TAX1BP1: variants seen among roughly 807,000 people sequenced by gnomAD.
TAX1BP1 encodes the protein Tax1 binding protein 1, also known as tax1-binding protein 1.
A neutral mutation model predicts 97.7 loss-of-function variants in TAX1BP1; 62 were observed. The observed-to-expected ratio is 0.63, with a 90% CI of 0.52 to 0.78. The LOEUF (loss-of-function observed/expected upper bound fraction) is 0.78. Among genes scored for constraint, TAX1BP1 ranks in the 30% least tolerant of loss-of-function variants. The pLI, the probability that TAX1BP1 is intolerant of heterozygous loss-of-function variation, is 0.00. For missense variants in TAX1BP1, 867 were observed against 916.1 expected (o/e 0.95, Z 0.69); for synonymous variants, 340 against 304.2 (o/e 1.12, Z -1.23).
rs1790072518 is a variant in TAX1BP1 at position 27,800,047 on chromosome 7, A to G, written c.1721A>G (p.Glu574Gly). 1 of 1,600,414 alleles carries G rather than the reference A, an allele frequency of 6.2e-7. No individual in the cohort carries two copies. Among genetic ancestry groups the G allele is most frequent in the Non-Finnish European group, 8.5e-7 (1 of 1,173,662 alleles). The change falls in exon 13 of 17, where the codon GAA becomes GGA. Residue 574 changes from glutamate to glycine, a missense_variant. Glu to Gly is a moderately conservative substitution (Grantham distance 98, BLOSUM62 -2). Coordinates refer to ENST00000396319, the MANE Select transcript of TAX1BP1 (RefSeq NM_006024.7). ...LKWKEQVKIA[E>G]NVKLELAEVQ... is the part of the protein sequence containing the mutation. ...TGGAAAGAACAAGTGAAAATTGCTG[A>G]AAATGTAAAACTTGAACTAGCTGAA...
chr7:27,803,744 G>A (rs1219015705), intron 13 of TAX1BP1, among the ~76,000 whole-genome samples: 1 of 152,158 alleles, frequency 6.6e-6, no homozygotes, highest in Non-Finnish European at 1.5e-5. Context: ...TTTTATTGAC[G>A]CTTGATCCTT....
At chr7:27,745,892 A>G (rs1476084254) in intron 1 of TAX1BP1, among the ~76,000 whole-genome samples, 2 of 152,004 alleles carry the variant, frequency 1.3e-5, no homozygotes, top group African/African-American at 2.4e-5. Context: ...TATTAACTCT[A>G]TAGTGTATAC....
intron 13 of TAX1BP1, among the ~76,000 whole-genome samples, 190 bp downstream of exon 13, chr7:27,800,280 A>G (rs1583390423): frequency 6.6e-6 from 1 of 152,206 alleles, no homozygotes; most frequent in East Asian, 1.9e-4. Flanking sequence ...AATGGATACC[A>G]TTTGCATTGC....
chr7:27,745,293 A>G (rs1381280436), intron 1 of TAX1BP1, among the ~76,000 whole-genome samples: 1 of 152,184 alleles, frequency 6.6e-6, no homozygotes, highest in Non-Finnish European at 1.5e-5. Flanking sequence ...GACTTTGCAT[A>G]TTATTTCTCC....
In TAX1BP1 at chr7:27,816,514, A is replaced by G. The variant is rs1790775604; in HGVS notation, c.1930A>G (p.Thr644Ala). ...TGGTAATCCTTATGCATCTCAGGAA[A>G]CAAGAGGTTATTACAGTATTTTTGG... ...QYGNPYASQE[T>A]RDGADGAFYP... Residue 644 changes from threonine (T) to alanine (A), a missense_variant, in exon 14 of 17, where the codon ACA becomes GCA. Physicochemically the swap from Thr to Ala is moderately conservative, Grantham distance 58. Transcript: ENST00000396319. 1 of 1,532,320 alleles carries G rather than the reference A, an allele frequency of 6.5e-7. No homozygotes were observed. Among genetic ancestry groups the G allele is most frequent in the Non-Finnish European group, 8.7e-7 (1 of 1,152,264 alleles). The allele number at this position is 1,532,320 out of a possible 1,614,324, so 94.9% of individuals were successfully genotyped here.
chr7:27,780,194 T>G (rs1417725064), intron 5 of TAX1BP1, among the ~76,000 whole-genome samples: 2 of 152,186 alleles, frequency 1.3e-5, no homozygotes, highest in Non-Finnish European at 2.9e-5. Flanking sequence ...TCTTATAACT[T>G]AATCTATTTA....
At position 27,798,396 on chromosome 7, in the gene TAX1BP1, G is replaced by A. The variant is rs76886921; in HGVS notation, c.1639-1569G>A. ...AAGAAATTACCTCCTGGGTGCAGTG[G>A]CTCATGTCTGTAATCCCAGCACTTT... On this transcript the variant is annotated intron_variant, in intron 12 of 16. Transcript: ENST00000396319. Among the ~76,000 whole-genome samples the A allele has an allele frequency of 1.6e-3, 238 of 152,138 alleles. 2 individuals carry two copies. Among genetic ancestry groups the A allele is most frequent in the Non-Finnish European group, 2.5e-3 (171 of 67,972 alleles).
At chr7:27,785,592 G>A (rs879809911) in intron 7 of TAX1BP1, 103 bp downstream of exon 7, 36 of 932,970 alleles carry the variant, frequency 3.9e-5, no homozygotes, top group Non-Finnish European at 5.5e-5. Context: ...TAGCTGAGTG[G>A]TTCTGGCTCT....
chr7:27,820,511 C>A (rs756469684), intron 15 of TAX1BP1, among the ~76,000 whole-genome samples: 1 of 152,056 alleles, frequency 6.6e-6, no homozygotes. Flanking sequence ...TATTATCTTA[C>A]GTTTTAAATT....
At chr7:27,742,633 A>G (rs536090121) in intron 1 of TAX1BP1, among the ~76,000 whole-genome samples, 126 of 152,240 alleles carry the variant, frequency 8.3e-4, no homozygotes, top group Admixed American at 1.6e-3. Flanking sequence ...ATACCCGGCA[A>G]ATTTTTGTAT....
chr7:27,764,469 C>T (rs1158835788), intron 3 of TAX1BP1, among the ~76,000 whole-genome samples: 1 of 152,148 alleles, frequency 6.6e-6, no homozygotes, highest in Non-Finnish European at 1.5e-5. Flanking sequence ...TTTCTCAGTA[C>T]ATTTTATCAG....
In TAX1BP1 at chr7:27,796,931, T is replaced by C. The variant is rs188639858; in HGVS notation, c.1638+712T>C. Among the ~76,000 whole-genome samples, 175 of 152,108 alleles carry C rather than the reference T, an allele frequency of 1.2e-3. No individual in the cohort carries two copies. The South Asian group carries it at 0.017, about 14-fold the overall frequency. On this transcript the variant is annotated intron_variant, in intron 12 of 16. Coordinates refer to ENST00000396319, the MANE Select transcript of TAX1BP1 (RefSeq NM_006024.7). ...ACATCTTAAAGTGACTAGACTTGCA[T>C]AGTGGAAAAGGGAATGTTAACCAAA...
At chr7:27,785,082 T>G in intron 5 of TAX1BP1, 81 bp from the exon 6 acceptor site, 1 of 1,366,048 alleles carries the variant, frequency 7.3e-7, no homozygotes, top group South Asian at 1.6e-5. Context: ...TAAGAATACA[T>G]AGTTTTCTTA....
chr7:27,758,009 CT>C, intron 2 of TAX1BP1, 21 bp from the exon 3 acceptor site: 4 of 1,562,036 alleles, frequency 2.6e-6, no homozygotes, highest in Middle Eastern at 1.7e-4. Flanking sequence ...ATAAATCCGC[CT>C]TTTTTGTTAT....
chr7:27,746,346 TTTG>T (rs1374052518), intron 1 of TAX1BP1, among the ~76,000 whole-genome samples: 3 of 151,850 alleles, frequency 2.0e-5, no homozygotes, highest in Admixed American at 6.6e-5. Context: ...TATAGTTTCT[TTTG>T]TTGGTGTCTT....
rs531772218 is a variant in TAX1BP1 at position 27,761,094 on chromosome 7, A to G, written c.265+2961A>G. On this transcript the variant is annotated intron_variant, in intron 3 of 16. Coordinates refer to ENST00000396319, the MANE Select transcript of TAX1BP1 (RefSeq NM_006024.7). ...TTTTATCAGGCAATATCTGACTTGGATTTTGGTGACATGTGCAGAGCAGCC... is the reference window on the plus strand; with the variant it reads ...TTTTATCAGGCAATATCTGACTTGGGTTTTGGTGACATGTGCAGAGCAGCC... 7.2e-5 allele frequency among the ~76,000 whole-genome samples: 11 copies of G among 152,290 alleles called. No homozygotes were observed. In the South Asian group the frequency reaches 2.1e-3, roughly 29 times the overall value.
At chr7:27,758,001 A>G in intron 2 of TAX1BP1, 30 bp from the exon 3 acceptor site, 1 of 1,494,432 alleles carries the variant, frequency 6.7e-7, no homozygotes, top group Non-Finnish European at 9.3e-7. Flanking sequence ...ATTTGCTTAT[A>G]AATCCGCCTT....
At chr7:27,790,654 T>C (rs1789668764) in intron 8 of TAX1BP1, among the ~76,000 whole-genome samples, 1 of 152,116 alleles carries the variant, frequency 6.6e-6, no homozygotes, top group East Asian at 1.9e-4. Context: ...CTTGTAAAGC[T>C]AAACCTATGT....
intron 13 of TAX1BP1, among the ~76,000 whole-genome samples, chr7:27,801,128 G>GAA (rs1261835560): frequency 1.3e-5 from 1 of 79,334 alleles, no homozygotes; most frequent in African/African-American, 8.2e-5. Flanking sequence ...AAGAATGTTA[G>GAA]AGAAAAAAAA....
Sources: gnomAD v4.1 joint callset for allele counts (sites outside exome capture counted in the v4.1 genomes callset) on GRCh38, gnomAD v4.1.1 for gene constraint, MANE v1.5 for transcripts, NCBI Gene and HGNC (gene_info 2026-07-23, HGNC 2026-07-21) for gene names.